PCDH15: variants seen among roughly 807,000 people sequenced by gnomAD.
PCDH15 encodes the protein protocadherin-15.
PCDH15 carries 129 observed loss-of-function variants against 178.5 expected under a neutral mutation model. The ratio of observed to expected loss-of-function variants is 0.72; its 90% CI spans 0.63 to 0.84. The LOEUF (loss-of-function observed/expected upper bound fraction) is 0.84. Among genes scored for constraint, PCDH15 ranks in the 40% least tolerant of loss-of-function variants. PCDH15 has a pLI of 0.00. For missense variants in PCDH15, 2,230 were observed against 2,099.9 expected, an observed-to-expected ratio of 1.06 and a Z score of -1.21; for synonymous variants, 800 against 732.0, an observed-to-expected ratio of 1.09 and a Z score of -1.50.
intron 3 of PCDH15, among the ~76,000 whole-genome samples, chr10:54,520,548 A>G (rs920465125): frequency 6.6e-6 from 1 of 152,168 alleles, no homozygotes; most frequent in Non-Finnish European, 1.5e-5. Flanking sequence ...AGCAATCATT[A>G]AAAAGTCAGG....
At chr10:55,356,986 G>T (rs907097136) in intron 2 of PCDH15, among the ~76,000 whole-genome samples, 5 of 151,910 alleles carry the variant, frequency 3.3e-5, no homozygotes, top group African/African-American at 9.7e-5. Context: ...ATTTAAAAAT[G>T]AGGAAACACA....
chr10:54,921,759 T>TA (rs930313437), intron 2 of PCDH15, among the ~76,000 whole-genome samples: 14 of 152,130 alleles, frequency 9.2e-5, no homozygotes, highest in African/African-American at 3.1e-4. Flanking sequence ...AGAACTGGCA[T>TA]AAAAAAACTA....
intron 29 of PCDH15, 72 bp from the exon 30 acceptor site, chr10:53,831,605 T>A (rs1588990168): frequency 8.9e-7 from 1 of 1,123,640 alleles, no homozygotes; most frequent in Middle Eastern, 2.6e-4. Flanking sequence ...AAAATCTTTT[T>A]GTAAGATCTT....
chr10:54,873,155 A>G (rs1013308111), intron 3 of PCDH15, among the ~76,000 whole-genome samples: 2 of 152,060 alleles, frequency 1.3e-5, no homozygotes, highest in South Asian at 2.1e-4. Context: ...GAATTGATAC[A>G]CTTTCTAAAA....
chr10:54,447,130 T>C (rs1466616725), intron 3 of PCDH15, among the ~76,000 whole-genome samples: 1 of 151,618 alleles, frequency 6.6e-6, no homozygotes, highest in African/African-American at 2.4e-5. Context: ...TTTATCTATC[T>C]CTAAGCGTTG....
rs564220428 is a variant in PCDH15 at position 54,147,736 on chromosome 10, T to C, written c.1784+5364A>G. 1.4e-4 allele frequency among the ~76,000 whole-genome samples: 22 copies of C among 151,924 alleles called. 2 individuals carry two copies. In the South Asian group the frequency reaches 4.6e-3, roughly 32 times the overall value. On this transcript the variant is annotated intron_variant, in intron 14 of 37. Coordinates refer to ENST00000644397, the MANE Select transcript of PCDH15 (RefSeq NM_001384140.1). Reference sequence around the variant, plus strand: ...TTAAAAGACTTTAATAAAATCAAAATAAAAAAACAAAAGGTGACTTTGTTC... The same window carrying C: ...TTAAAAGACTTTAATAAAATCAAAACAAAAAAACAAAAGGTGACTTTGTTC...
In PCDH15 at chr10:54,756,056, A is replaced by AACACACAC. The variant is rs71014414; in HGVS notation, c.-29+44861_-29+44868dup. ...TGGTGAAACCCCCGTCTCTACTAAA[A>AACACACAC]ACACACACACACACACACACACACA... On this transcript the variant is annotated intron_variant, in intron 1 of 37. Coordinates refer to ENST00000644397, the MANE Select transcript of PCDH15 (RefSeq NM_001384140.1). Among the ~76,000 whole-genome samples, 714 of 71,676 alleles carry AACACACAC rather than the reference A, an allele frequency of 1.0e-2. 7 individuals carry two copies. The highest frequency in any genetic ancestry group is 0.034 in the Admixed American group (179 of 5,190). The allele number at this position is 71,676 out of a possible 152,430, so 47.0% of individuals were successfully genotyped here.
intron 2 of PCDH15, among the ~76,000 whole-genome samples, chr10:54,903,326 G>T (rs1014106161): frequency 6.6e-6 from 1 of 152,034 alleles, no homozygotes; most frequent in Non-Finnish European, 1.5e-5. Context: ...TCTTAGCAAA[G>T]CATTACTCAT....
intron 26 of PCDH15, among the ~76,000 whole-genome samples, chr10:53,877,611 A>T (rs1222845123): frequency 2.0e-5 from 3 of 152,162 alleles, no homozygotes; most frequent in African/African-American, 7.2e-5. Flanking sequence ...GTCCAAACCA[A>T]ATTCAGCTGC....
chr10:54,311,482 C>T (rs1362729248), intron 8 of PCDH15, among the ~76,000 whole-genome samples: 2 of 151,912 alleles, frequency 1.3e-5, no homozygotes, highest in Non-Finnish European at 2.9e-5. Context: ...TTCATAATAC[C>T]AGAAAACCTT....
At chr10:54,230,041 G>A (rs2053884824) in intron 9 of PCDH15, among the ~76,000 whole-genome samples, 1 of 152,138 alleles carries the variant, frequency 6.6e-6, no homozygotes, top group African/African-American at 2.4e-5. Flanking sequence ...TATTTCTACT[G>A]ATTCAGTTCT....
At chr10:55,201,007 A>C (rs891780157) in intron 1 of PCDH15, among the ~76,000 whole-genome samples, 17 of 152,134 alleles carry the variant, frequency 1.1e-4, no homozygotes. Flanking sequence ...AGACTAATAC[A>C]GAGGTCTAGA....
chr10:55,159,019 AGTT>A (rs1838979856), intron 2 of PCDH15, among the ~76,000 whole-genome samples: 1 of 152,008 alleles, frequency 6.6e-6, no homozygotes, highest in African/African-American at 2.4e-5. Context: ...TGTGAAGGGC[AGTT>A]ATTATTATCC....
At chr10:55,288,993 T>C (rs1310227281) in intron 1 of PCDH15, among the ~76,000 whole-genome samples, 1 of 152,008 alleles carries the variant, frequency 6.6e-6, no homozygotes, top group Non-Finnish European at 1.5e-5. Context: ...GCTATTTAAA[T>C]TTTATAATTT....
At chr10:55,132,866 G>C (rs1838091345) in intron 2 of PCDH15, among the ~76,000 whole-genome samples, 2 of 152,168 alleles carry the variant, frequency 1.3e-5, no homozygotes, top group South Asian at 4.1e-4. Context: ...AGTTAACACT[G>C]TCTGGCGAGA....
chr10:54,012,992 C>T (rs918795820), intron 20 of PCDH15, among the ~76,000 whole-genome samples: 4 of 152,074 alleles, frequency 2.6e-5, no homozygotes, highest in Middle Eastern at 3.4e-3. Flanking sequence ...CAAGGACCAA[C>T]GTTATGCTGT....
At chr10:55,037,680 T>G (rs10825447) in intron 2 of PCDH15, among the ~76,000 whole-genome samples, 10 of 152,124 alleles carry the variant, frequency 6.6e-5, no homozygotes, top group African/African-American at 2.4e-4. Context: ...TTCTGAAGAT[T>G]GTAAAATATC....
chr10:54,934,903 A>T lies in PCDH15; in HGVS notation c.-79-37403T>A, dbSNP rs189612484. On this transcript the variant is annotated intron_variant, in intron 2 of 5. Coordinates refer to the PCDH15 transcript ENST00000458638. Reference sequence around the variant, plus strand: ...ACCATGGAATACTATGCAGCCATAAAAAAGGATGAGTTCATGTCCTTTGAA... The same window carrying T: ...ACCATGGAATACTATGCAGCCATAATAAAGGATGAGTTCATGTCCTTTGAA... 5.5e-3 allele frequency among the ~76,000 whole-genome samples: 830 copies of T among 152,258 alleles called. 32 individuals carry two copies. The highest frequency in any genetic ancestry group is 0.05 in the Admixed American group (763 of 15,278).
At chr10:55,450,955 C>CTATATATATA (rs56986885) in intron 2 of PCDH15, among the ~76,000 whole-genome samples, 3,426 of 121,982 alleles carry the variant, frequency 0.028, 80 homozygotes, top group Middle Eastern at 0.04. Flanking sequence ...GGGGTAAGAA[C>CTATATATATA]TATATATATA....
Sources: gnomAD v4.1 joint callset for allele counts (sites outside exome capture counted in the v4.1 genomes callset) on GRCh38, gnomAD v4.1.1 for gene constraint, MANE v1.5 for transcripts, NCBI Gene and HGNC (gene_info 2026-07-23, HGNC 2026-07-21) for gene names.